Variants in MTREX observed in about 807,000 individuals in gnomAD.
MTREX encodes exosome RNA helicase MTR4.
A neutral mutation model predicts 135.4 loss-of-function variants in MTREX; 76 were observed. That is an observed-to-expected ratio of 0.56 (90% CI 0.47 to 0.68). The LOEUF (loss-of-function observed/expected upper bound fraction) is 0.68. Ranked by LOEUF, MTREX falls within the 30% of genes least tolerant of loss-of-function variation. The pLI is 0.00. For missense variants in MTREX, 920 were observed against 1,262.1 expected (o/e 0.73, Z 4.11); for synonymous variants, 404 against 401.6 (o/e 1.01, Z -0.07).
chr5:55,361,272 CAT>C (rs1750001500), intron 15 of MTREX, among the ~76,000 whole-genome samples: 1 of 152,178 alleles, frequency 6.6e-6, no homozygotes, highest in African/African-American at 2.4e-5. Flanking sequence ...GTAGCTTCTT[CAT>C]AGTCACCTTA....
intron 25 of MTREX, among the ~76,000 whole-genome samples, chr5:55,418,417 T>C (rs948377964): frequency 4.1e-5 from 6 of 146,642 alleles, no homozygotes; most frequent in Non-Finnish European, 7.5e-5. Flanking sequence ...AACTGCCAAA[T>C]TGAAGATGGT....
chr5:55,315,120 T>C (rs1749178459), intron 1 of MTREX, among the ~76,000 whole-genome samples: 1 of 152,224 alleles, frequency 6.6e-6, no homozygotes, highest in Admixed American at 6.5e-5. Flanking sequence ...GAGTACTTTA[T>C]GGCCTTTTTC....
intron 19 of MTREX, among the ~76,000 whole-genome samples, chr5:55,392,540 C>T (rs1750586425): frequency 2.5e-5 from 1 of 40,724 alleles, no homozygotes; most frequent in African/African-American, 1.5e-4. Context: ...AGGGCTCTGT[C>T]TAAAAAAAAA....
intron 9 of MTREX, 139 bp from the exon 10 acceptor site, chr5:55,344,955 A>G: frequency 1.6e-6 from 1 of 620,624 alleles, no homozygotes; most frequent in South Asian, 2.3e-5. Flanking sequence ...ACCTCTTACC[A>G]CAGATCATGT....
chr5:55,363,264 A>G (rs1183798737), intron 15 of MTREX, among the ~76,000 whole-genome samples: 2 of 152,198 alleles, frequency 1.3e-5, no homozygotes, highest in Non-Finnish European at 2.9e-5. Context: ...TTCCACGTTT[A>G]TGGTTCATAA....
chr5:55,393,082 C>T (rs1252472594), intron 19 of MTREX, among the ~76,000 whole-genome samples: 3 of 152,158 alleles, frequency 2.0e-5, no homozygotes, highest in Non-Finnish European at 4.4e-5. Flanking sequence ...CAGTGGCTGC[C>T]ATACTGGTTT....
intron 23 of MTREX, among the ~76,000 whole-genome samples, chr5:55,413,714 A>G (rs893903777): frequency 2.0e-5 from 3 of 152,228 alleles, no homozygotes; most frequent in African/African-American, 7.2e-5. Context: ...TCTGGGTAAA[A>G]TAAAAATTAG....
chr5:55,367,274 CAA>C (rs1158957147), intron 16 of MTREX, among the ~76,000 whole-genome samples: 1 of 152,024 alleles, frequency 6.6e-6, no homozygotes, highest in African/African-American at 2.4e-5. Flanking sequence ...ATCACGAGGT[CAA>C]GAGATCGAGA....
At chr5:55,367,269 G>A (rs539895609) in intron 16 of MTREX, among the ~76,000 whole-genome samples, 114 of 152,146 alleles carry the variant, frequency 7.5e-4, no homozygotes, top group African/African-American at 2.5e-3. Flanking sequence ...GGTGGATCAC[G>A]AGGTCAAGAG....
chr5:55,360,624 C>T (rs1232991459), intron 15 of MTREX, among the ~76,000 whole-genome samples: 1 of 152,018 alleles, frequency 6.6e-6, no homozygotes, highest in African/African-American at 2.4e-5. Flanking sequence ...TGTTAGCTGC[C>T]CTTTTGGTTA....
intron 16 of MTREX, 63 bp downstream of exon 16, chr5:55,366,938 C>T: frequency 5.3e-6 from 7 of 1,318,622 alleles, no homozygotes; most frequent in Non-Finnish European, 7.2e-6. Flanking sequence ...AAAATGTCTG[C>T]ATTATTGGCT....
chr5:55,330,388 AT>A (rs1254040913), intron 5 of MTREX, among the ~76,000 whole-genome samples: 2 of 151,998 alleles, frequency 1.3e-5, no homozygotes, highest in African/African-American at 4.8e-5. Context: ...CTCAGATATT[AT>A]CTTTTCTTTG....
chr5:55,333,022 C>T (rs1749502051), intron 5 of MTREX, among the ~76,000 whole-genome samples: 1 of 151,924 alleles, frequency 6.6e-6, no homozygotes, highest in Admixed American at 6.6e-5. Flanking sequence ...TTTCCTGCTT[C>T]TTTGCATACC....
At chr5:55,329,058 T>G (rs1189208721) in intron 5 of MTREX, among the ~76,000 whole-genome samples, 1 of 152,242 alleles carries the variant, frequency 6.6e-6, no homozygotes, top group Non-Finnish European at 1.5e-5. Context: ...TATTACCTGT[T>G]GGTTTTTCAC....
intron 5 of MTREX, among the ~76,000 whole-genome samples, chr5:55,330,673 T>C (rs77131283): frequency 1.3e-4 from 19 of 150,754 alleles, no homozygotes; most frequent in South Asian, 6.3e-4. Context: ...TTTTTTTTTT[T>C]CCCATGTTTC....
chr5:55,354,412 C>T (rs888412003), intron 14 of MTREX, among the ~76,000 whole-genome samples: 1 of 152,152 alleles, frequency 6.6e-6, no homozygotes, highest in Non-Finnish European at 1.5e-5. Flanking sequence ...TTCACATAGC[C>T]TGGCTTTGGG....
intron 19 of MTREX, among the ~76,000 whole-genome samples, chr5:55,391,057 A>C (rs1750558443): frequency 6.6e-6 from 1 of 151,958 alleles, no homozygotes; most frequent in Non-Finnish European, 1.5e-5. Flanking sequence ...ATGTCTCATA[A>C]TTTTTCATTG....
At chr5:55,399,800 A>T (rs1381608291) in intron 20 of MTREX, among the ~76,000 whole-genome samples, 2 of 152,196 alleles carry the variant, frequency 1.3e-5, no homozygotes, top group Admixed American at 1.3e-4. Context: ...AGGACTTTTT[A>T]AAAAGTCTAT....
intron 1 of MTREX, among the ~76,000 whole-genome samples, chr5:55,317,896 T>C (rs1348452336): frequency 1.3e-5 from 2 of 152,208 alleles, no homozygotes; most frequent in Non-Finnish European, 2.9e-5. Flanking sequence ...AGGTCTAATA[T>C]GCAGCATTTA....
Sources: gnomAD v4.1 joint callset for allele counts (sites outside exome capture counted in the v4.1 genomes callset) on GRCh38, gnomAD v4.1.1 for gene constraint, MANE v1.5 for transcripts, NCBI Gene and HGNC (gene_info 2026-07-23, HGNC 2026-07-21) for gene names.